Variants in KCNC2 observed in about 807,000 individuals in gnomAD.
KCNC2 encodes voltage-gated potassium channel KCNC2.
Under a neutral mutation model 44.5 loss-of-function variants are expected in KCNC2, and 21 were observed. The ratio of observed to expected loss-of-function variants is 0.47; its 90% CI spans 0.33 to 0.68. The LOEUF (loss-of-function observed/expected upper bound fraction) is 0.68, where lower values mean the gene tolerates loss of function less well. KCNC2 is among the 30% of genes least tolerant of loss of function. The probability of loss-of-function intolerance (pLI) is 0.01; values close to 1 mark genes in which losing one functional copy is unlikely to be tolerated. For missense variants in KCNC2, 589 were observed against 826.2 expected (o/e 0.71, Z 3.52); for synonymous variants, 391 against 339.1 (o/e 1.15, Z -1.68).
intron 2 of KCNC2, among the ~76,000 whole-genome samples, chr12:75,093,000 G>C (rs917013001): frequency 1.2e-4 from 17 of 147,070 alleles, no homozygotes; most frequent in African/African-American, 4.2e-4. Flanking sequence ...GTGTGATTGT[G>C]ATTTGACCTT....
At position 75,207,312 on chromosome 12, in the gene KCNC2, C is replaced by T. The variant is rs201893676; in HGVS notation, c.672G>A (p.Ser224=). Residue 224 remains serine (S), a synonymous_variant, in exon 2 of 5, where the codon TCG becomes TCA. Transcript: ENST00000549446. This position sits in a 1 kb window ranked among gnomAD's most constrained non-coding sequence, Gnocchi z 4.1. ...CTGGCCTTACCCTGGCGGCTCTGGA[C>T]GAGTAGGGGTCTTCGAAGAGGGCCC... ...RMWALFEDPY[S]SRAARFIAFA... is the part of the protein sequence containing the mutation. 1.7e-5 allele frequency: 27 copies of T among 1,550,044 alleles called. No individual in the cohort carries two copies. The East Asian group carries it at 6.4e-4, about 37-fold the overall frequency.
At chr12:75,120,974 A>G (rs146049978) in intron 2 of KCNC2, among the ~76,000 whole-genome samples, 1 of 152,268 alleles carries the variant, frequency 6.6e-6, no homozygotes, top group African/African-American at 2.4e-5. Context: ...TCTGCAACCA[A>G]TATAGGGCAA....
chr12:75,132,999 A>G (rs1214236025), intron 2 of KCNC2, among the ~76,000 whole-genome samples: 1 of 152,074 alleles, frequency 6.6e-6, no homozygotes, highest in Admixed American at 6.6e-5. Context: ...GGTTGCTTCG[A>G]ATCTTGAATC....
chr12:75,113,801 T>C (rs1887438785), intron 2 of KCNC2, among the ~76,000 whole-genome samples: 1 of 152,198 alleles, frequency 6.6e-6, no homozygotes. Flanking sequence ...GTCCATGTCC[T>C]TTACAGGGCA....
intron 2 of KCNC2, among the ~76,000 whole-genome samples, chr12:75,118,264 C>T (rs1265176586): frequency 6.6e-6 from 1 of 152,082 alleles, no homozygotes; most frequent in Non-Finnish European, 1.5e-5. Flanking sequence ...ATGAGCCAGA[C>T]TTCAAGGGTA....
chr12:75,199,185 C>T (rs1218445211), intron 2 of KCNC2, among the ~76,000 whole-genome samples: 2 of 151,798 alleles, frequency 1.3e-5, no homozygotes, highest in Non-Finnish European at 3.0e-5. Context: ...GAAAGACTAT[C>T]TTGGCCTTTG....
intron 2 of KCNC2, among the ~76,000 whole-genome samples, chr12:75,087,326 C>T (rs939612576): frequency 6.6e-6 from 1 of 152,074 alleles, no homozygotes; most frequent in Admixed American, 6.6e-5. Flanking sequence ...AGCATTAGTA[C>T]ATGCTACCTC....
chr12:75,044,509 A>G (rs975422839), intron 4 of KCNC2: 1 of 151,918 alleles, frequency 6.6e-6, no homozygotes, highest in Non-Finnish European at 1.5e-5. Flanking sequence ...TTTTCATGGA[A>G]CTTCCAGAGA....
intron 2 of KCNC2, among the ~76,000 whole-genome samples, chr12:75,064,560 G>A (rs907357558): frequency 6.6e-6 from 1 of 152,022 alleles, no homozygotes; most frequent in Non-Finnish European, 1.5e-5. Flanking sequence ...GGATTATAGA[G>A]AAGAACAAAA....
chr12:75,100,144 T>C (rs577261690), intron 2 of KCNC2, among the ~76,000 whole-genome samples: 1 of 152,238 alleles, frequency 6.6e-6, no homozygotes, highest in Admixed American at 6.6e-5. Context: ...AATGTTTCCC[T>C]TTCTAAAAAT....
chr12:75,082,109 T>C (rs1232113742), intron 2 of KCNC2, among the ~76,000 whole-genome samples: 1 of 151,626 alleles, frequency 6.6e-6, no homozygotes, highest in Non-Finnish European at 1.5e-5. Flanking sequence ...CACAGGGATG[T>C]TGTGAATATC....
intron 2 of KCNC2, among the ~76,000 whole-genome samples, chr12:75,183,171 T>C (rs1054572883): frequency 6.6e-5 from 10 of 152,198 alleles, no homozygotes; most frequent in African/African-American, 7.2e-5. Context: ...AGTGCATTAA[T>C]TGAAAGGAGT....
intron 2 of KCNC2, among the ~76,000 whole-genome samples, chr12:75,125,792 A>G (rs955567134): frequency 2.0e-5 from 3 of 152,110 alleles, no homozygotes; most frequent in African/African-American, 7.2e-5. Flanking sequence ...TACCATTATC[A>G]AACTATATAC....
intron 2 of KCNC2, among the ~76,000 whole-genome samples, chr12:75,197,186 T>C (rs116393103): frequency 1.1e-3 from 164 of 152,168 alleles, no homozygotes; most frequent in African/African-American, 3.8e-3. Context: ...CAGTGTCCAT[T>C]GCTGTCCTGG....
At position 75,109,353 on chromosome 12, in the gene KCNC2, C is replaced by A. The variant is rs12425109; in HGVS notation, c.688-58036G>T. On this transcript the variant is annotated intron_variant, in intron 2 of 4. Coordinates refer to ENST00000549446, the MANE Select transcript of KCNC2 (RefSeq NM_139137.4). Reference sequence around the variant, plus strand: ...AACACGGGATGTTTGCTCACCTCTGCGCTTGATGGCAGTCCAGAAACAAGG... The same window carrying A: ...AACACGGGATGTTTGCTCACCTCTGAGCTTGATGGCAGTCCAGAAACAAGG... 4.6e-4 allele frequency among the ~76,000 whole-genome samples: 70 copies of A among 151,970 alleles called. 1 individual carries two copies. The highest frequency in any genetic ancestry group is 2.9e-3 in the Admixed American group (44 of 15,248).
intron 2 of KCNC2, among the ~76,000 whole-genome samples, chr12:75,086,678 AAAAATATAT>A (rs1382050801): frequency 9.2e-5 from 3 of 32,616 alleles, no homozygotes; most frequent in East Asian, 2.2e-3. Context: ...AAAAAAAAAA[AAAAATATAT>A]ATATATATAT....
chr12:75,123,164 T>C (rs1888161907), intron 2 of KCNC2, among the ~76,000 whole-genome samples: 1 of 152,166 alleles, frequency 6.6e-6, no homozygotes, highest in African/African-American at 2.4e-5. Flanking sequence ...GATGCCACTT[T>C]AAGTTTCAGC....
intron 2 of KCNC2, among the ~76,000 whole-genome samples, chr12:75,077,860 T>A (rs1054477943): frequency 3.3e-5 from 5 of 152,060 alleles, no homozygotes; most frequent in Non-Finnish European, 4.4e-5. Context: ...AGAGAAAGTT[T>A]AGAAGTAGAA....
intron 2 of KCNC2, among the ~76,000 whole-genome samples, chr12:75,117,397 G>A (rs1184900101): frequency 6.6e-6 from 1 of 152,106 alleles, no homozygotes; most frequent in East Asian, 1.9e-4. Context: ...TAAAACAACT[G>A]TCCCCCCAAA....
Sources: gnomAD v4.1 joint callset for allele counts (sites outside exome capture counted in the v4.1 genomes callset) on GRCh38, gnomAD v4.1.1 for gene constraint, Gnocchi (gnomAD v3.1) non-coding constraint, MANE v1.5 for transcripts, NCBI Gene and HGNC (gene_info 2026-07-23, HGNC 2026-07-21) for gene names.